NT5DC4: variants seen among roughly 807,000 people sequenced by gnomAD.
The protein encoded by NT5DC4 is 5'-nucleotidase domain containing 4.
NT5DC4 carries 44 observed loss-of-function variants against 26.6 expected under a neutral mutation model. The ratio of observed to expected loss-of-function variants is 1.65; its 90% CI spans 1.30 to 2.13. NT5DC4 has a LOEUF of 2.13. NT5DC4 is among the 30% of genes most tolerant of loss of function. The pLI, the probability that NT5DC4 is intolerant of heterozygous loss-of-function variation, is 0.00. For synonymous variants in NT5DC4, 157 were observed against 86.7 expected (o/e 1.81, Z -4.51); for missense variants, 399 against 228.1 (o/e 1.75, Z -4.83).
At chr2:112,739,438 C>T (rs771938829), downstream of NT5DC4, among the ~76,000 whole-genome samples, 4 of 152,094 alleles carry the variant, frequency 2.6e-5, no homozygotes, top group Non-Finnish European at 5.9e-5. Flanking sequence ...AAGGCTTTTC[C>T]CTGATTTCCA....
At chr2:112,720,110 G>A (rs867306389), upstream of NT5DC4, among the ~76,000 whole-genome samples, 15 of 147,066 alleles carry the variant, frequency 1.0e-4, 1 homozygote, top group South Asian at 1.1e-3. Context: ...CAGCAATCTC[G>A]GCTCATTGCA....
At chr2:112,728,111 C>T (rs974257414) in intron 15 of NT5DC4, among the ~76,000 whole-genome samples, 1 of 152,236 alleles carries the variant, frequency 6.6e-6, no homozygotes, top group African/African-American at 2.4e-5. Flanking sequence ...GGATCACAGT[C>T]TTGCAGATAA....
At chr2:112,721,462 G>T (rs562602177) in intron 1 of NT5DC4, 5 of 717,588 alleles carry the variant, frequency 7.0e-6, no homozygotes, top group South Asian at 5.9e-5. Flanking sequence ...TGGACACTGG[G>T]GTCCCATTTC....
chr2:112,722,698 T>C lies in NT5DC4; in HGVS notation c.470-16T>C. The C allele has an allele frequency of 1.4e-6, 1 of 717,582 alleles. No individual in the cohort carries two copies. Among genetic ancestry groups the C allele is most frequent in the Non-Finnish European group, 2.6e-6 (1 of 385,104 alleles). The allele number at this position is 717,582 out of a possible 1,614,324, so 44.5% of individuals were successfully genotyped here. On this transcript the variant is annotated splice_polypyrimidine_tract_variant and intron_variant, in intron 5 of 16. Transcript: ENST00000688554. Reference sequence around the variant, plus strand: ...GGCTCCCTGGGCTGACAACTGACCATCCTGTCTGCCCCCAGAAACCTACCT... The same window carrying C: ...GGCTCCCTGGGCTGACAACTGACCACCCTGTCTGCCCCCAGAAACCTACCT...
At chr2:112,727,043 A>G in intron 15 of NT5DC4, 1 of 454,964 alleles carries the variant, frequency 2.2e-6, no homozygotes, top group East Asian at 4.1e-5. Context: ...GCCCTTATTG[A>G]CTGACTAGCC....
chr2:112,741,722 G>A (rs553467184), downstream of NT5DC4, among the ~76,000 whole-genome samples: 10 of 152,150 alleles, frequency 6.6e-5, no homozygotes, highest in African/African-American at 2.4e-4. Flanking sequence ...CACATGTAGT[G>A]GGTTACTTAG....
intron 10 of NT5DC4, 163 bp downstream of exon 10, chr2:112,724,289 G>T (rs1677379408): frequency 6.1e-6 from 4 of 652,688 alleles, no homozygotes; most frequent in East Asian, 2.7e-5. Flanking sequence ...CTCCCCAGTG[G>T]GTAGGAGCCT....
At chr2:112,737,591 T>G (rs941031040) in intron 16 of NT5DC4, 3 of 152,212 alleles carry the variant, frequency 2.0e-5, no homozygotes, top group Non-Finnish European at 4.4e-5. Context: ...ACAATTGAGT[T>G]GTAAGAGTCT....
intron 13 of NT5DC4, 93 bp downstream of exon 13, chr2:112,725,645 G>T: frequency 1.7e-6 from 1 of 582,842 alleles, no homozygotes; most frequent in Admixed American, 2.9e-5. Flanking sequence ...TGGGGGGTTA[G>T]TAGTTGTGAC....
At chr2:112,723,850 C>T in intron 9 of NT5DC4, 48 bp downstream of exon 9, 2 of 713,732 alleles carry the variant, frequency 2.8e-6, no homozygotes, top group South Asian at 1.5e-5. Context: ...TTCCTGGCCC[C>T]AGGGGACACA....
upstream of NT5DC4, among the ~76,000 whole-genome samples, chr2:112,719,481 C>CTTTTTTTTTTTT (rs57789268): frequency 1.7e-4 from 17 of 101,292 alleles, 1 homozygote; most frequent in Non-Finnish European, 2.2e-4. Context: ...ACTTGTCTGT[C>CTTTTTTTTTTTT]TTTTTTTTTT....
chr2:112,735,726 C>T (rs1396380462), intron 16 of NT5DC4, among the ~76,000 whole-genome samples: 2 of 152,146 alleles, frequency 1.3e-5, no homozygotes, highest in Admixed American at 6.5e-5. Flanking sequence ...TACAAAGAGT[C>T]CCAGAATTAG....
intron 16 of NT5DC4, chr2:112,731,585 A>T (rs1201152464): frequency 6.6e-6 from 1 of 152,180 alleles, no homozygotes; most frequent in African/African-American, 2.4e-5. Context: ...ATACACATTA[A>T]AACACATAAA....
Position 112,722,574 on chromosome 2 carries a change from C to CTCTT in NT5DC4, c.455_458dup (p.Asn154LeufsTer5). On this transcript the variant is annotated frameshift_variant, in exon 5 of 17. Coordinates refer to ENST00000688554, the MANE Select transcript of NT5DC4 (RefSeq NM_001393655.1). LOFTEE classifies it high-confidence loss of function. ...GCAGTGTTTCTACATACTCAACATG[C>CTCTT]TCTTCAACCTGCCTGGTGGGTGGAG... is the stretch of plus-strand genomic sequence containing the variant. The CTCTT allele has an allele frequency of 1.4e-6, 1 of 717,452 alleles. No homozygotes were observed. Among genetic ancestry groups the CTCTT allele is most frequent in the South Asian group, 1.5e-5 (1 of 67,602 alleles). The allele number at this position is 717,452 out of a possible 1,614,324, so 44.4% of individuals were successfully genotyped here.
intron 16 of NT5DC4, among the ~76,000 whole-genome samples, chr2:112,733,764 T>C (rs1678747939): frequency 6.6e-6 from 1 of 152,192 alleles, no homozygotes; most frequent in Non-Finnish European, 1.5e-5. Context: ...CATTCTGGCA[T>C]CGTCTTGAGC....
At chr2:112,721,747 C>T in intron 1 of NT5DC4, 71 bp from the exon 2 acceptor site, 1 of 716,778 alleles carries the variant, frequency 1.4e-6, no homozygotes, top group Non-Finnish European at 2.6e-6. Context: ...GGTTTCCACC[C>T]CCTCTGTCCT....
At position 112,723,154 on chromosome 2, in the gene NT5DC4, A is replaced by G; in HGVS notation, c.601A>G (p.Met201Val). ...RSLFQDVTDAMNNIHQSGCLK... is the reference protein window; with the variant it reads ...RSLFQDVTDAVNNIHQSGCLK... ...CCTCTTCCAGGATGTGACTGATGCC[A>G]TGAATAACATCCACCAGTCGGTGAG... The change falls in exon 7 of 17, where the codon ATG becomes GTG. Residue 201 changes from methionine to valine, a missense_variant. By Grantham distance (21) the Met-to-Val change is conservative (BLOSUM62 1). Coordinates refer to ENST00000688554, the MANE Select transcript of NT5DC4 (RefSeq NM_001393655.1). The G allele has an allele frequency of 1.4e-6, 1 of 717,280 alleles. No individual in the cohort carries two copies. The allele number at this position is 717,280 out of a possible 1,614,324, so 44.4% of individuals were successfully genotyped here.
intron 16 of NT5DC4, among the ~76,000 whole-genome samples, chr2:112,730,257 G>A (rs1678316163): frequency 7.0e-6 from 1 of 142,026 alleles, no homozygotes; most frequent in African/African-American, 2.6e-5. Context: ...AGGTTGCGGT[G>A]AGCTGAGATT....
intron 16 of NT5DC4, among the ~76,000 whole-genome samples, chr2:112,730,425 C>G (rs115959016): frequency 0.017 from 2,540 of 151,972 alleles, 72 homozygotes; most frequent in African/African-American, 0.058. Context: ...GTTGGCCAAT[C>G]CATACACATT....
Sources: allele counts gnomAD v4.1 joint callset (sites outside exome capture counted in the v4.1 genomes callset), GRCh38; gene constraint gnomAD v4.1.1; transcripts MANE v1.5; gene names NCBI Gene and HGNC (gene_info 2026-07-23, HGNC 2026-07-21).